Variants in STIM1 observed in about 807,000 individuals in gnomAD.
STIM1 encodes the protein stromal interaction molecule 1.
Under a neutral mutation model 74.7 loss-of-function variants are expected in STIM1, and 25 were observed. That is an observed-to-expected ratio of 0.33 (90% confidence interval 0.24 to 0.47). STIM1 has a LOEUF of 0.47. Among genes scored for constraint, STIM1 ranks in the 20% least tolerant of loss-of-function variants. The pLI is 1.00. For synonymous variants in STIM1, 328 were observed against 348.8 expected, an observed-to-expected ratio of 0.94 and a Z score of 0.66; for missense variants, 728 against 920.8, an observed-to-expected ratio of 0.79 and a Z score of 2.71.
intron 2 of STIM1, among the ~76,000 whole-genome samples, chr11:3,994,244 A>C (rs1175189425): frequency 1.3e-5 from 2 of 152,106 alleles, no homozygotes; most frequent in East Asian, 3.8e-4. Flanking sequence ...TACTGGGTTC[A>C]CATGTGTGTG....
chr11:4,012,186 A>G (rs2093844070), intron 2 of STIM1, among the ~76,000 whole-genome samples: 1 of 152,192 alleles, frequency 6.6e-6, no homozygotes, highest in African/African-American at 2.4e-5. Flanking sequence ...CTCTTTGCTT[A>G]GGATTGTCTT....
Position 4,074,615 on chromosome 11 carries a change from A to T in STIM1, c.905A>T (p.Glu302Val). ...LAKQEAQRLK[E>V]LREGTENERS... The stretch of plus-strand genomic sequence containing the variant: ...AAGCAGGAAGCCCAGCGGCTGAAGG[A>T]GCTGCGGGAGGGTACTGAGAATGAG... Residue 302 changes from glutamate to valine, a missense_variant, in exon 7 of 13, where the codon GAG becomes GTG. Coordinates refer to ENST00000526596, the MANE Select transcript of STIM1 (RefSeq NM_001382567.1). 3 of 1,609,136 alleles carry T rather than the reference A, an allele frequency of 1.9e-6. No homozygotes were observed. Among genetic ancestry groups the T allele is most frequent in the East Asian group, 2.2e-5 (1 of 44,708 alleles).
chr11:3,944,928 T>C (rs2093054107), intron 1 of STIM1, among the ~76,000 whole-genome samples: 1 of 152,212 alleles, frequency 6.6e-6, no homozygotes, highest in Non-Finnish European at 1.5e-5. Flanking sequence ...TGTCTTTATC[T>C]AGTGACTCCT....
In STIM1 at chr11:4,070,114, C is replaced by T. The variant is rs1353120747; in HGVS notation, c.702C>T (p.Asn234=). The change falls in exon 6 of 13, where the codon AAC becomes AAT. Residue 234 remains asparagine (N), a synonymous_variant. Transcript: ENST00000526596. ...VGGCWFAYIQ[N]RYSKEHMKKM... ...GCTGCTGGTTTGCCTATATCCAGAACCGTTACTCCAAGGAGCACATGAAGA... is the reference window on the plus strand; with the variant it reads ...GCTGCTGGTTTGCCTATATCCAGAATCGTTACTCCAAGGAGCACATGAAGA... The T allele has an allele frequency of 2.5e-6, 4 of 1,614,008 alleles. No individual in the cohort carries two copies. Among genetic ancestry groups the T allele is most frequent in the Non-Finnish European group, 3.4e-6 (4 of 1,180,022 alleles).
rs1329876132 is a variant in STIM1 at position 4,091,361 on chromosome 11, A to G, written c.1714A>G (p.Ser572Gly). Residue 572 changes from serine to glycine, a missense_variant, in exon 13 of 13, where the codon AGC becomes GGC. Around this residue, in one of 5 missense-constraint regions of STIM1, gnomAD observed 352 missense variants for 370.1 expected, o/e 0.95. Transcript: ENST00000526596. Reference protein sequence around the residue: ...QRVAPKPPQMSRAADEALNAM... With the variant: ...QRVAPKPPQMGRAADEALNAM... ...TGTGGCCCCCAAACCTCCTCAGATGAGCCGTGCTGCAGACGAGGCTCTCAA... is the reference window on the plus strand; with the variant it reads ...TGTGGCCCCCAAACCTCCTCAGATGGGCCGTGCTGCAGACGAGGCTCTCAA... 1.2e-6 allele frequency: 2 copies of G among 1,614,202 alleles called. No individual in the cohort carries two copies. The highest frequency in any genetic ancestry group is 1.7e-6 in the Non-Finnish European group (2 of 1,180,038).
chr11:4,052,726 A>T (rs187812773), intron 3 of STIM1, among the ~76,000 whole-genome samples: 4 of 152,370 alleles, frequency 2.6e-5, no homozygotes, highest in Admixed American at 6.5e-5. Context: ...ACAAAAGCCA[A>T]AATGGACAAA....
intron 3 of STIM1, among the ~76,000 whole-genome samples, chr11:4,045,067 T>G (rs570530379): frequency 2.6e-5 from 4 of 152,090 alleles, no homozygotes; most frequent in South Asian, 4.2e-4. Context: ...TGGTGTAGGG[T>G]GCTGATAGAG....
At position 3,872,743 on chromosome 11, in the gene STIM1, T is replaced by G. The variant is rs1025363577; in HGVS notation, c.139+16334T>G. On this transcript the variant is annotated intron_variant, in intron 1 of 12. Coordinates refer to ENST00000526596, the MANE Select transcript of STIM1 (RefSeq NM_001382567.1). ...TCACTGTGTTAGCCAGGATGGTCTC[T>G]ATCTCCTGACCTCATGATCCTCCCA... is the stretch of plus-strand genomic sequence containing the variant. Among the ~76,000 whole-genome samples, 4 of 151,916 alleles carry G rather than the reference T, an allele frequency of 2.6e-5. No individual in the cohort carries two copies. In the East Asian group the frequency reaches 7.8e-4, roughly 29 times the overall value.
intron 2 of STIM1, among the ~76,000 whole-genome samples, chr11:4,009,697 T>C (rs1226988676): frequency 6.6e-6 from 1 of 152,172 alleles, no homozygotes; most frequent in Admixed American, 6.5e-5. Context: ...GTGCTTGCTA[T>C]GCAAATGCAA....
At chr11:3,969,882 A>G (rs1206616794) in intron 2 of STIM1, among the ~76,000 whole-genome samples, 1 of 152,230 alleles carries the variant, frequency 6.6e-6, no homozygotes, top group Non-Finnish European at 1.5e-5. Context: ...CAGAAGTGTC[A>G]CTGACCTGTA....
At chr11:3,982,489 A>T (rs1014460923) in intron 2 of STIM1, among the ~76,000 whole-genome samples, 1 of 152,086 alleles carries the variant, frequency 6.6e-6, no homozygotes, top group Admixed American at 6.6e-5. Flanking sequence ...TACTTCTTTA[A>T]CTCGTACTAC....
intron 1 of STIM1, among the ~76,000 whole-genome samples, chr11:3,882,601 A>C (rs1034427698): frequency 6.6e-6 from 1 of 152,230 alleles, no homozygotes; most frequent in Non-Finnish European, 1.5e-5. Flanking sequence ...TTAAAATAAA[A>C]AGAAAAAAGA....
rs1312894182 is a variant in STIM1, at chr11:3,923,116, C to A, written c.140-44436C>A. Among the ~76,000 whole-genome samples, 168 of 140,660 alleles carry A rather than the reference C, an allele frequency of 1.2e-3. 1 individual carries two copies. Among genetic ancestry groups the A allele is most frequent in the African/African-American group, 4.0e-3 (154 of 38,462 alleles). The allele number at this position is 140,660 out of a possible 152,430, so 92.3% of individuals were successfully genotyped here. Reference sequence around the variant, plus strand: ...CTCCGTCTCAAAAAAAAAAAAAAAACAAACACTCTTTGCCTATTCCAAGTT... The same window carrying A: ...CTCCGTCTCAAAAAAAAAAAAAAAAAAAACACTCTTTGCCTATTCCAAGTT... On this transcript the variant is annotated intron_variant, in intron 1 of 12. Transcript: ENST00000526596.
At chr11:4,071,090 A>C (rs913367469) in intron 6 of STIM1, among the ~76,000 whole-genome samples, 2 of 152,188 alleles carry the variant, frequency 1.3e-5, no homozygotes, top group African/African-American at 4.8e-5. Context: ...GCGAGGTCCT[A>C]GGTGTTAAGG....
chr11:3,961,908 A>G (rs912072311), intron 1 of STIM1, among the ~76,000 whole-genome samples: 1 of 152,218 alleles, frequency 6.6e-6, no homozygotes, highest in Non-Finnish European at 1.5e-5. Flanking sequence ...TACTGGTATC[A>G]TGACCTAACA....
intron 1 of STIM1, among the ~76,000 whole-genome samples, chr11:3,865,368 A>G (rs1238481932): frequency 6.6e-6 from 1 of 152,092 alleles, no homozygotes; most frequent in East Asian, 1.9e-4. Context: ...TGTCTACCCT[A>G]ATGGAGCCTG....
chr11:3,857,950 G>A (rs2090449191), intron 1 of STIM1, among the ~76,000 whole-genome samples: 1 of 152,216 alleles, frequency 6.6e-6, no homozygotes, highest in African/African-American at 2.4e-5. Context: ...TCCATAGAGA[G>A]TCTCCTTGAC....
At chr11:3,882,512 T>TG (rs1200656623) in intron 1 of STIM1, among the ~76,000 whole-genome samples, 16 of 152,210 alleles carry the variant, frequency 1.1e-4, no homozygotes, top group African/African-American at 3.4e-4. Context: ...TTGGCTCTTG[T>TG]GGATAGTGCT....
chr11:4,077,184 T>C, intron 7 of STIM1, among the ~76,000 whole-genome samples: 1 of 151,752 alleles, frequency 6.6e-6, no homozygotes, highest in South Asian at 2.1e-4. Flanking sequence ...TCATGAAGTA[T>C]TGACCTAAAG....
Sources: gnomAD v4.1 joint callset for allele counts (sites outside exome capture counted in the v4.1 genomes callset) on GRCh38, gnomAD v4.1.1 for gene constraint, gnomAD v4.1.1 regional missense constraint, MANE v1.5 for transcripts, NCBI Gene and HGNC (gene_info 2026-07-23, HGNC 2026-07-21) for gene names.